GALNS: variants seen among roughly 807,000 people sequenced by gnomAD.
The protein encoded by GALNS is galactosamine (N-acetyl)-6-sulfatase.
In GALNS, 65 loss-of-function variants were observed where a neutral mutation model predicts 65.9. The ratio of observed to expected loss-of-function variants is 0.99; its 90% CI spans 0.81 to 1.21. GALNS has a LOEUF of 1.21. Among genes scored for constraint, GALNS ranks in the 50% most tolerant of loss-of-function variants. The pLI is 0.00. For synonymous variants in GALNS, 346 were observed against 288.9 expected, an observed-to-expected ratio of 1.20 and a Z score of -2.00; for missense variants, 776 against 700.7, an observed-to-expected ratio of 1.11 and a Z score of -1.21.
At chr16:88,818,665 G>A (rs1299860723) in intron 12 of GALNS, among the ~76,000 whole-genome samples, 3 of 152,204 alleles carry the variant, frequency 2.0e-5, no homozygotes, top group Non-Finnish European at 2.9e-5. Flanking sequence ...GCCACGGTTC[G>A]CGATGTCAGG....
At chr16:88,823,075 G>A (rs1261721061) in intron 11 of GALNS, among the ~76,000 whole-genome samples, 1 of 152,136 alleles carries the variant, frequency 6.6e-6, no homozygotes, top group Non-Finnish European at 1.5e-5. Context: ...AAACACCTTA[G>A]CCAGCCTCAG....
intron 10 of GALNS, 42 bp from the exon 11 acceptor site, chr16:88,824,911 C>T (rs1022433113): frequency 3.2e-6 from 5 of 1,542,214 alleles, no homozygotes; most frequent in Non-Finnish European, 4.5e-6. Flanking sequence ...ACAGGAAGGA[C>T]ACGCTGGGGC....
intron 8 of GALNS, among the ~76,000 whole-genome samples, chr16:88,834,378 A>G: frequency 9.1e-6 from 1 of 109,630 alleles, no homozygotes; most frequent in Non-Finnish European, 1.8e-5. Flanking sequence ...GTGGTCTGGG[A>G]AGAGGCTGCA....
chr16:88,856,257 A>T, intron 1 of GALNS: 1 of 702,986 alleles, frequency 1.4e-6, no homozygotes, highest in South Asian at 1.5e-5. Flanking sequence ...GTAAGACTGG[A>T]GCCCAGCGGG....
intron 1 of GALNS, among the ~76,000 whole-genome samples, chr16:88,848,761 G>C (rs182596836): frequency 1.3e-5 from 2 of 152,040 alleles, no homozygotes; most frequent in Non-Finnish European, 2.9e-5. Flanking sequence ...CACCGGGGGC[G>C]GGGGTGGCAG....
intron 11 of GALNS, among the ~76,000 whole-genome samples, chr16:88,824,347 C>A (rs1707956695): frequency 6.6e-6 from 1 of 152,054 alleles, no homozygotes; most frequent in Non-Finnish European, 1.5e-5. Context: ...GGCGTTTCAC[C>A]CTCCCACACT....
chr16:88,815,070 C>T, intron 13 of GALNS: 2 of 863,876 alleles, frequency 2.3e-6, no homozygotes, highest in Non-Finnish European at 2.6e-6. Context: ...CAGGTCAACC[C>T]CGGACCCCAA....
intron 1 of GALNS, chr16:88,845,430 G>A (rs1967201031): frequency 6.6e-6 from 1 of 151,850 alleles, no homozygotes; most frequent in Non-Finnish European, 1.5e-5. Context: ...CTGTCTTAGT[G>A]AAAGTGCAGC....
chr16:88,820,111 G>C (rs1200798501), intron 12 of GALNS, among the ~76,000 whole-genome samples: 1 of 151,632 alleles, frequency 6.6e-6, no homozygotes, highest in Non-Finnish European at 1.5e-5. Context: ...TCACAGGTGT[G>C]AGTGACCATG....
chr16:88,825,454 G>A (rs1471575075), intron 10 of GALNS, among the ~76,000 whole-genome samples: 3 of 146,410 alleles, frequency 2.0e-5, no homozygotes, highest in African/African-American at 7.6e-5. Context: ...GTGCCTGGGC[G>A]GCCAGGGCTG....
chr16:88,816,351 T>C, intron 13 of GALNS: 1 of 985,382 alleles, frequency 1.0e-6, no homozygotes, highest in South Asian at 4.7e-5. Context: ...AGGCCAGGGC[T>C]CCTCCACGGC....
chr16:88,855,546 G>A (rs1225020002), intron 1 of GALNS: 2 of 700,902 alleles, frequency 2.9e-6, no homozygotes, highest in South Asian at 3.0e-5. Context: ...AGACATATGA[G>A]ATGGAAAAGC....
At chr16:88,819,692 A>G (rs1275959385) in intron 12 of GALNS, among the ~76,000 whole-genome samples, 1 of 151,466 alleles carries the variant, frequency 6.6e-6, no homozygotes, top group Non-Finnish European at 1.5e-5. Context: ...GTGCCTGGCT[A>G]ATTTTAATTA....
intron 12 of GALNS, 116 bp from the exon 13 acceptor site, chr16:88,818,240 G>A: frequency 2.4e-6 from 2 of 840,544 alleles, no homozygotes; most frequent in Non-Finnish European, 3.9e-6. Flanking sequence ...ACAGTGAGCA[G>A]TCACTGGGAC....
rs575287256 is a variant in GALNS at position 88,817,337 on chromosome 16, G to T, written c.1482+670C>A. On this transcript the variant is annotated intron_variant, in intron 13 of 13. Coordinates refer to ENST00000268695, the MANE Select transcript of GALNS (RefSeq NM_000512.5). ...GCTTGTGTTTCTGGCCGATGCTGGC[G>T]TGATGAGGCCGTTTCTCTACTGGAG... 281 of 985,456 alleles carry T rather than the reference G, an allele frequency of 2.9e-4. No homozygotes were observed. The Middle Eastern group carries it at 3.1e-3, about 11-fold the overall frequency. 61.0% of individuals were successfully genotyped at this position (985,456 alleles called of 1,614,324 possible). A position where few individuals can be genotyped will look rare whatever the true frequency, so the allele number is the denominator to read the frequency against.
intron 9 of GALNS, among the ~76,000 whole-genome samples, chr16:88,830,785 C>T (rs1277993450): frequency 1.3e-5 from 2 of 152,218 alleles, no homozygotes; most frequent in Non-Finnish European, 2.9e-5. Context: ...CCGAGGTCCG[C>T]ACCCCATGCG....
At chr16:88,844,665 G>C (rs971570135) in intron 1 of GALNS, 5 of 152,318 alleles carry the variant, frequency 3.3e-5, no homozygotes, top group African/African-American at 1.2e-4. Flanking sequence ...ACCTGGGAAA[G>C]ACAACACATT....
intron 1 of GALNS, among the ~76,000 whole-genome samples, chr16:88,847,392 C>T (rs1232270073): frequency 6.6e-6 from 1 of 152,086 alleles, no homozygotes; most frequent in Admixed American, 6.5e-5. Flanking sequence ...AAAACAAAAA[C>T]CTGCCACTTT....
Position 88,815,297 on chromosome 16 carries a change from A to G in GALNS, c.1483-772T>C, listed in dbSNP as rs963174982. 15 of 985,150 alleles carry G rather than the reference A, an allele frequency of 1.5e-5. 1 individual carries two copies. The African/African-American group carries it at 2.6e-4, about 17-fold the overall frequency. 61.0% of individuals were successfully genotyped at this position (985,150 alleles called of 1,614,324 possible). ...GGCCTCCGAGGGCCAGCAGTGTTAG[A>G]AAGGGCAGGCGGTCCTCCCAGGAGG... On this transcript the variant is annotated intron_variant, in intron 13 of 13. Transcript: ENST00000268695.
Sources: gnomAD v4.1 joint callset for allele counts (sites outside exome capture counted in the v4.1 genomes callset) on GRCh38, gnomAD v4.1.1 for gene constraint, MANE v1.5 for transcripts, NCBI Gene and HGNC (gene_info 2026-07-23, HGNC 2026-07-21) for gene names.